The following ADAMTS6 variants were observed in gnomAD, a reference collection of about 807,000 sequenced individuals.
The protein encoded by ADAMTS6 is ADAM metallopeptidase with thrombospondin type 1 motif 6.
Under a neutral mutation model 144.3 loss-of-function variants are expected in ADAMTS6, and 23 were observed. That is an observed-to-expected ratio of 0.16 (90% CI 0.11 to 0.23). The LOEUF (loss-of-function observed/expected upper bound fraction) is 0.23, where lower values mean the gene tolerates loss of function less well. Ranked by LOEUF, ADAMTS6 falls within the 10% of genes least tolerant of loss-of-function variation. The probability of loss-of-function intolerance (pLI) is 1.00; values close to 1 mark genes in which losing one functional copy is unlikely to be tolerated. For missense variants in ADAMTS6, 999 were observed against 1,379.6 expected (o/e 0.72, Z 4.37); for synonymous variants, 444 against 457.5 (o/e 0.97, Z 0.38).
intron 11 of ADAMTS6, 142 bp downstream of exon 11, chr5:65,291,187 C>T: frequency 1.1e-6 from 1 of 913,680 alleles, no homozygotes; most frequent in East Asian, 2.8e-5. Context: ...CATATGATGT[C>T]AGAAAAACTG....
chr5:65,326,662 G>A (rs191023301), intron 9 of ADAMTS6, among the ~76,000 whole-genome samples: 202 of 152,150 alleles, frequency 1.3e-3, no homozygotes, highest in Non-Finnish European at 2.4e-3. Flanking sequence ...ATATCATCAC[G>A]TCACTTAACA....
chr5:65,327,953 T>G (rs1311152684), intron 9 of ADAMTS6, among the ~76,000 whole-genome samples: 1 of 152,066 alleles, frequency 6.6e-6, no homozygotes, highest in Admixed American at 6.6e-5. Flanking sequence ...TGCATAAGAG[T>G]ATGACAGTCA....
Position 65,372,320 on chromosome 5 carries a change from TAA to T in ADAMTS6, c.1074-38237_1074-38236del, listed in dbSNP as rs1488146034. On this transcript the variant is annotated intron_variant, in intron 7 of 24. Transcript: ENST00000381055. ...AAAAGACACAGACTGGCAAATTGGA[TAA>T]AGAGTCAAGACCCATCAGTGTGCTG... Among the ~76,000 whole-genome samples the T allele has an allele frequency of 1.2e-4, 18 of 151,832 alleles. 1 individual carries two copies. The South Asian group carries it at 3.5e-3, about 30-fold the overall frequency.
chr5:65,196,270 C>T (rs1190963370), intron 21 of ADAMTS6, among the ~76,000 whole-genome samples: 1 of 152,116 alleles, frequency 6.6e-6, no homozygotes, highest in African/African-American at 2.4e-5. Context: ...GGCACGGTGG[C>T]TCATGCCTGT....
At chr5:65,225,142 C>G (rs1757636076) in intron 16 of ADAMTS6, 95 bp from the exon 17 acceptor site, 1 of 1,336,098 alleles carries the variant, frequency 7.5e-7, no homozygotes, top group Admixed American at 2.7e-5. Context: ...GCTTGTTTTT[C>G]CAGTAAAGAA....
chr5:65,364,451 T>C (rs1750107421), intron 7 of ADAMTS6, among the ~76,000 whole-genome samples: 1 of 152,036 alleles, frequency 6.6e-6, no homozygotes, highest in Non-Finnish European at 1.5e-5. Context: ...GAATACAATA[T>C]GAGTATGCCC....
At chr5:65,327,351 T>C (rs1435103822) in intron 9 of ADAMTS6, among the ~76,000 whole-genome samples, 1 of 152,094 alleles carries the variant, frequency 6.6e-6, no homozygotes, top group African/African-American at 2.4e-5. Flanking sequence ...AGACTATATA[T>C]GCTAAACACA....
intron 9 of ADAMTS6, among the ~76,000 whole-genome samples, chr5:65,312,049 T>C (rs1744543619): frequency 6.6e-6 from 1 of 152,066 alleles, no homozygotes; most frequent in Non-Finnish European, 1.5e-5. Flanking sequence ...ACATGTACTT[T>C]TAAAGTCTGC....
intron 14 of ADAMTS6, among the ~76,000 whole-genome samples, chr5:65,256,985 C>CTCTCTTTTTTT (rs765554792): frequency 4.5e-5 from 4 of 88,678 alleles, no homozygotes; most frequent in African/African-American, 2.3e-4. Context: ...CTCTCTCTCT[C>CTCTCTTTTTTT]TTTTTTTTTT....
chr5:65,215,329 C>T lies in ADAMTS6; in HGVS notation c.2431G>A (p.Val811Ile), dbSNP rs757808944. Residue 811 changes from valine (V) to isoleucine (I), a missense_variant, in exon 19 of 25, where the codon GTC becomes ATC. Transcript: ENST00000381055. Reference sequence around the variant, plus strand: ...AATGGCAAAGACGCATTTACCATGACGATGAGATTTTCTGAGGTAGGACCT... The same window carrying T: ...AATGGCAAAGACGCATTTACCATGATGATGAGATTTTCTGAGGTAGGACCT... ...ALGPTSENLI[V>I]MVLLQEQNLG... The T allele has an allele frequency of 1.9e-5, 30 of 1,612,916 alleles. No homozygotes were observed. The highest frequency in any genetic ancestry group is 5.3e-5 in the African/African-American group (4 of 74,870).
At chr5:65,399,845 T>C (rs886077541) in intron 7 of ADAMTS6, among the ~76,000 whole-genome samples, 8 of 152,180 alleles carry the variant, frequency 5.3e-5, no homozygotes, top group African/African-American at 9.7e-5. Flanking sequence ...CTTCACTAAT[T>C]CCTTCAATGA....
chr5:65,297,632 T>C (rs1204843701), intron 10 of ADAMTS6, among the ~76,000 whole-genome samples: 1 of 152,198 alleles, frequency 6.6e-6, no homozygotes, highest in Non-Finnish European at 1.5e-5. Context: ...ATATCACGCA[T>C]AGCTGTTAAA....
chr5:65,450,843 A>T (rs1346709005), intron 7 of ADAMTS6, among the ~76,000 whole-genome samples: 1 of 152,180 alleles, frequency 6.6e-6, no homozygotes, highest in Non-Finnish European at 1.5e-5. Context: ...GAGAGTAAAG[A>T]ATAAAATGGA....
In ADAMTS6 at chr5:65,291,352, T is replaced by C. The variant is rs949176073; in HGVS notation, c.1489A>G (p.Thr497Ala). The C allele has an allele frequency of 3.7e-6, 6 of 1,613,266 alleles. No homozygotes were observed. The highest frequency in any genetic ancestry group is 5.1e-6 in the Non-Finnish European group (6 of 1,179,608). Residue 497 changes from threonine to alanine, a missense_variant, in exon 11 of 25, where the codon ACC (threonine) becomes GCC (alanine). Thr to Ala is a moderately conservative substitution (Grantham distance 58, BLOSUM62 0). This residue lies in a region of ADAMTS6 where 619 missense variants were observed against 837.0 expected (regional missense o/e 0.74). Transcript: ENST00000381055. ...DEQCRFQYGA[T>A]SRQCKYGEVC... The stretch of plus-strand genomic sequence containing the variant: ...ACCCCATATTTACATTGGCGGGAGG[T>C]TGCTCCATACTGGAAACGACATTGC...
chr5:65,286,661 T>A (rs1294998472), intron 11 of ADAMTS6, among the ~76,000 whole-genome samples: 3 of 152,236 alleles, frequency 2.0e-5, no homozygotes, highest in African/African-American at 7.2e-5. Context: ...ATTGTTAACC[T>A]ATACTGAACC....
chr5:65,396,776 A>G (rs1294612394), intron 7 of ADAMTS6, among the ~76,000 whole-genome samples: 1 of 152,224 alleles, frequency 6.6e-6, no homozygotes, highest in African/African-American at 2.4e-5. Flanking sequence ...ATCTATGCTC[A>G]TAAGAGATAT....
chr5:65,212,426 T>TC (rs1756603955), intron 20 of ADAMTS6, among the ~76,000 whole-genome samples: 1 of 129,136 alleles, frequency 7.7e-6, no homozygotes, highest in Non-Finnish European at 1.8e-5. Context: ...TCTCTCTCTT[T>TC]TTTTTTTTTT....
intron 24 of ADAMTS6, among the ~76,000 whole-genome samples, chr5:65,159,959 TG>T (rs1235959406): frequency 6.6e-6 from 1 of 152,236 alleles, no homozygotes; most frequent in East Asian, 1.9e-4. Context: ...ATCTAGATGG[TG>T]GATGTTCACT....
At chr5:65,393,566 T>C (rs1649848935) in intron 7 of ADAMTS6, among the ~76,000 whole-genome samples, 1 of 152,176 alleles carries the variant, frequency 6.6e-6, no homozygotes, top group African/African-American at 2.4e-5. Flanking sequence ...ACACAAAGAC[T>C]CAGCCTATAA....
Sources: allele counts gnomAD v4.1 joint callset (sites outside exome capture counted in the v4.1 genomes callset), GRCh38; gene constraint gnomAD v4.1.1; regional missense constraint gnomAD v4.1.1; transcripts MANE v1.5; gene names NCBI Gene and HGNC (gene_info 2026-07-23, HGNC 2026-07-21).